Variants in FGFR3 observed in about 807,000 individuals in gnomAD.
The protein encoded by FGFR3 is FGFR-3.
In FGFR3, 25 loss-of-function variants were observed where a neutral mutation model predicts 82.9. The observed-to-expected ratio is 0.30, with a 90% CI of 0.22 to 0.42. The LOEUF (loss-of-function observed/expected upper bound fraction) is 0.42. FGFR3 is among the 10% of genes least tolerant of loss of function. The pLI, the probability that FGFR3 is intolerant of heterozygous loss-of-function variation, is 1.00. For synonymous variants in FGFR3, 620 were observed against 516.0 expected (o/e 1.20, Z -2.73); for missense variants, 1,026 against 1,161.0 (o/e 0.88, Z 1.69).
intron 7 of FGFR3, among the ~76,000 whole-genome samples, chr4:1,803,343 C>A (rs761127771): frequency 9.9e-5 from 15 of 151,998 alleles, no homozygotes; most frequent in Non-Finnish European, 2.9e-5. Context: ...CACCCCTTTG[C>A]GCCTCTCTCC....
At chr4:1,806,736 G>C (rs926079248) in intron 16 of FGFR3, 53 bp downstream of exon 16, 16 of 1,600,302 alleles carry the variant, frequency 1.0e-5, no homozygotes, top group African/African-American at 4.0e-5. Flanking sequence ...GGGTCCCTCC[G>C]GGGCTGGGCG....
chr4:1,802,081 G>T (rs1171682458), intron 7 of FGFR3, 56 bp downstream of exon 7: 3 of 1,566,084 alleles, frequency 1.9e-6, no homozygotes, highest in Non-Finnish European at 2.6e-6. Context: ...CTGGCCCCAA[G>T]GGTGCCCCTT....
rs868599579 is a variant in FGFR3, at chr4:1,804,369, T to G, written c.1115T>G (p.Val372Gly). ...GTGGAGGCTGACGAGGCGGGCAGTG[T>G]GTATGCAGGCATCCTCAGCTACGGG... ...ELVEADEAGS[V>G]YAGILSYGVG... Residue 372 changes from valine to glycine, a missense_variant, in exon 9 of 18, where the codon GTG becomes GGG. Transcript: ENST00000440486. 1 of 1,612,412 alleles carries G rather than the reference T, an allele frequency of 6.2e-7. No homozygotes were observed. The highest frequency in any genetic ancestry group is 8.5e-7 in the Non-Finnish European group (1 of 1,179,474).
intron 2 of FGFR3, among the ~76,000 whole-genome samples, chr4:1,795,172 G>C (rs1039704230): frequency 6.6e-6 from 1 of 152,120 alleles, no homozygotes; most frequent in African/African-American, 2.4e-5. Flanking sequence ...ATTCAGCGGC[G>C]TGACAGGGGC....
At chr4:1,804,066 A>G (rs1338760981) in intron 8 of FGFR3, among the ~76,000 whole-genome samples, 2 of 152,138 alleles carry the variant, frequency 1.3e-5, no homozygotes, top group Non-Finnish European at 2.9e-5. Flanking sequence ...TGGGTCCCCA[A>G]AGGCCTCTCC....
intron 7 of FGFR3, 70 bp from the exon 8 acceptor site, chr4:1,803,622 C>G: frequency 2.5e-6 from 4 of 1,577,258 alleles, no homozygotes; most frequent in Non-Finnish European, 3.4e-6. Context: ...TGGATCCTGC[C>G]GTGTGGACTC....
chr4:1,802,356 AGGCCCCCTCTG>A (rs1721299190), intron 7 of FGFR3, among the ~76,000 whole-genome samples: 1 of 152,128 alleles, frequency 6.6e-6, no homozygotes, highest in Admixed American at 6.5e-5. Context: ...CAAGCCCTCC[AGGCCCCCTCTG>A]GGCCTCAGAG....
chr4:1,802,831 C>G, intron 7 of FGFR3: 1 of 1,491,400 alleles, frequency 6.7e-7, no homozygotes, highest in South Asian at 1.3e-5. Flanking sequence ...TCGATCTGTA[C>G]CTTGGGGGTC....
At chr4:1,795,389 G>A (rs947545170) in intron 2 of FGFR3, among the ~76,000 whole-genome samples, 3 of 151,906 alleles carry the variant, frequency 2.0e-5, no homozygotes, top group Non-Finnish European at 4.4e-5. Flanking sequence ...GCGGGCGCGC[G>A]GGGCCTCCCC....
chr4:1,805,220 GT>G, intron 10 of FGFR3, 134 bp from the exon 11 acceptor site: 1 of 1,505,616 alleles, frequency 6.6e-7, no homozygotes, highest in Non-Finnish European at 9.0e-7. Flanking sequence ...CGAGCAGGCT[GT>G]AGGGGGAGCA....
Position 1,805,894 on chromosome 4 carries a change from G to A in FGFR3, c.1790G>A (p.Cys597Tyr). The change falls in exon 13 of 18, where the codon TGT becomes TAT. Residue 597 changes from cysteine to tyrosine, a missense_variant. Cys to Tyr is a radical substitution (Grantham distance 194). Transcript: ENST00000440486. ...CTCACCTTCAAGGACCTGGTGTCCT[G>A]TGCCTACCAGGTGGCCCGGGGCATG... ...EQLTFKDLVSCAYQVARGMEY... is the reference protein window; with the variant it reads ...EQLTFKDLVSYAYQVARGMEY... 1 of 1,612,408 alleles carries A rather than the reference G, an allele frequency of 6.2e-7. No homozygotes were observed. The highest frequency in any genetic ancestry group is 8.5e-7 in the Non-Finnish European group (1 of 1,179,462).
rs755650149 is a variant in FGFR3, at chr4:1,804,490, C to T, written c.1236C>T (p.His412=). The T allele has an allele frequency of 1.2e-6, 2 of 1,613,084 alleles. No homozygotes were observed. Among genetic ancestry groups the T allele is most frequent in the Non-Finnish European group, 1.7e-6 (2 of 1,179,958 alleles). The change falls in exon 9 of 18, where the codon CAC becomes CAT. Residue 412 remains histidine (H), a synonymous_variant. Coordinates refer to ENST00000440486, the MANE Select transcript of FGFR3 (RefSeq NM_000142.5). Reference sequence around the variant, plus strand: ...AAGGCCTGGGCTCCCCCACCGTGCACAAGATCTCCCGCTTCCCGCTCAAGC... The same window carrying T: ...AAGGCCTGGGCTCCCCCACCGTGCATAAGATCTCCCGCTTCCCGCTCAAGC... ...PKKGLGSPTV[H]KISRFPLKRQ...
At chr4:1,798,644 TTC>T (rs1720819056) in intron 2 of FGFR3, among the ~76,000 whole-genome samples, 4 of 149,506 alleles carry the variant, frequency 2.7e-5, no homozygotes, top group African/African-American at 9.9e-5. Context: ...ACCTCCTTCC[TTC>T]TCGCCTGTTC....
rs376272599 is a variant in FGFR3 at position 1,807,585 on chromosome 4, C to T, written c.*323C>T. On this transcript the variant is annotated 3_prime_UTR_variant, in exon 18 of 18. Coordinates refer to ENST00000440486, the MANE Select transcript of FGFR3 (RefSeq NM_000142.5). ...ATGTAAGTGGGCCCACCCGGTGGGACCCCCGTGGGGCAGGGAGCTGGGCCC... is the reference window on the plus strand; with the variant it reads ...ATGTAAGTGGGCCCACCCGGTGGGATCCCCGTGGGGCAGGGAGCTGGGCCC... 59 of 683,442 alleles carry T rather than the reference C, an allele frequency of 8.6e-5. No individual in the cohort carries two copies. The highest frequency in any genetic ancestry group is 8.2e-6 in the Non-Finnish European group (3 of 364,190). 42.3% of individuals were successfully genotyped at this position (683,442 alleles called of 1,614,324 possible).
Position 1,805,683 on chromosome 4 carries a change from CGGCGGTGGT to C in FGFR3, c.1645+16_1645+24del, listed in dbSNP as rs766178547. The C allele has an allele frequency of 9.6e-5, 154 of 1,611,650 alleles. No homozygotes were observed. Among genetic ancestry groups the C allele is most frequent in the Middle Eastern group, 5.0e-4 (3 of 6,054 alleles). On this transcript the variant is annotated intron_variant, in intron 12 of 17. Coordinates refer to ENST00000440486, the MANE Select transcript of FGFR3 (RefSeq NM_000142.5). ...GCACGCAGGGCGGTAGGTGCGGTAG[CGGCGGTGGT>C]GCCGGCTGGGCGGCCCTCCTGGGCC...
rs759782828 is a variant in FGFR3, at chr4:1,803,846, T to TCTG, written c.1075+25_1075+27dup. ...CTGGTGGTGCTGCCAGGTACCGGCT[T>TCTG]CTGCTGCTGCTGCTGCTCCGCACTG... On this transcript the variant is annotated intron_variant, in intron 8 of 17. Coordinates refer to ENST00000440486, the MANE Select transcript of FGFR3 (RefSeq NM_000142.5). 1.5e-4 allele frequency: 238 copies of TCTG among 1,610,742 alleles called. 1 individual carries two copies. The highest frequency in any genetic ancestry group is 1.2e-3 in the Middle Eastern group (7 of 6,040).
In FGFR3 at chr4:1,804,829, C is replaced by T. The variant is rs756532045; in HGVS notation, c.1272C>T (p.Ser424=). 3 of 1,549,762 alleles carry T rather than the reference C, an allele frequency of 1.9e-6. No homozygotes were observed. Among genetic ancestry groups the T allele is most frequent in the African/African-American group, 2.7e-5 (2 of 73,158 alleles). ...ISRFPLKRQV[S]LESNASMSSN... is the part of the protein sequence containing the mutation. The stretch of plus-strand genomic sequence containing the variant: ...GCCCCTGCTGACCCAAGCAGGTGTC[C>T]CTGGAGTCCAACGCGTCCATGAGCT... The change falls in exon 10 of 18, where the codon TCC becomes TCT. Residue 424 remains serine, a synonymous_variant. Transcript: ENST00000440486.
At chr4:1,795,747 C>T (rs917313329) in intron 2 of FGFR3, among the ~76,000 whole-genome samples, 5 of 152,158 alleles carry the variant, frequency 3.3e-5, no homozygotes, top group African/African-American at 1.2e-4. Context: ...CCCCAGGGTG[C>T]AGGGAGGTAC....
chr4:1,798,285 C>T (rs922453814), intron 2 of FGFR3, among the ~76,000 whole-genome samples: 3 of 152,040 alleles, frequency 2.0e-5, no homozygotes, highest in South Asian at 2.1e-4. Flanking sequence ...GCTCTCACAG[C>T]TTCCTGCCCC....
Sources: gnomAD v4.1 joint callset for allele counts (sites outside exome capture counted in the v4.1 genomes callset) on GRCh38, gnomAD v4.1.1 for gene constraint, MANE v1.5 for transcripts, NCBI Gene and HGNC (gene_info 2026-07-23, HGNC 2026-07-21) for gene names.